The following NCOA2 variants were observed in gnomAD, a reference collection of about 807,000 sequenced individuals.
NCOA2 encodes the protein class E basic helix-loop-helix protein 75.
NCOA2 carries 21 observed loss-of-function variants against 145.1 expected under a neutral mutation model. The ratio of observed to expected loss-of-function variants is 0.14; its 90% CI spans 0.10 to 0.21. The LOEUF is 0.21. Ranked by LOEUF, NCOA2 falls within the 10% of genes least tolerant of loss-of-function variation. The pLI, the probability that NCOA2 is intolerant of heterozygous loss-of-function variation, is 1.00. For synonymous variants in NCOA2, 619 were observed against 637.5 expected (o/e 0.97, Z 0.44); for missense variants, 1,472 against 1,837.6 (o/e 0.80, Z 3.64).
At chr8:70,327,741 G>A (rs1345523030) in intron 1 of NCOA2, among the ~76,000 whole-genome samples, 1 of 152,164 alleles carries the variant, frequency 6.6e-6, no homozygotes, top group African/African-American at 2.4e-5. Context: ...TAGATATTAT[G>A]ATTAAACACT....
At chr8:70,242,589 C>T (rs959559989) in intron 2 of NCOA2, among the ~76,000 whole-genome samples, 1 of 152,042 alleles carries the variant, frequency 6.6e-6, no homozygotes, top group Admixed American at 6.6e-5. Context: ...ATTTTTAGAG[C>T]AAATCCTATA....
chr8:70,369,802 T>C (rs1405672614), intron 1 of NCOA2, among the ~76,000 whole-genome samples: 1 of 152,106 alleles, frequency 6.6e-6, no homozygotes, highest in African/African-American at 2.4e-5. Flanking sequence ...CCAGGCACAT[T>C]ATACCTTCTG....
chr8:70,389,026 G>C (rs556990223), intron 1 of NCOA2, among the ~76,000 whole-genome samples: 269 of 152,208 alleles, frequency 1.8e-3, no homozygotes, highest in African/African-American at 6.3e-3. Context: ...CCTTTTAAAG[G>C]AATAAAAAAC....
At chr8:70,390,623 C>T (rs149641960) in intron 1 of NCOA2, among the ~76,000 whole-genome samples, 2 of 151,570 alleles carry the variant, frequency 1.3e-5, no homozygotes, top group African/African-American at 2.4e-5. Context: ...AAAAATTAGT[C>T]GGACATAGTG....
chr8:70,132,956 A>T (rs1018268756), intron 15 of NCOA2, among the ~76,000 whole-genome samples: 5 of 152,188 alleles, frequency 3.3e-5, no homozygotes, highest in Non-Finnish European at 5.9e-5. Flanking sequence ...CATGCAAATT[A>T]TATTTGTTAT....
chr8:70,339,057 T>C (rs1807890274), intron 1 of NCOA2, among the ~76,000 whole-genome samples: 1 of 152,156 alleles, frequency 6.6e-6, no homozygotes, highest in Non-Finnish European at 1.5e-5. Context: ...ACATTTCTAT[T>C]ATGCATAGTA....
intron 2 of NCOA2, among the ~76,000 whole-genome samples, chr8:70,229,277 T>C (rs1201118082): frequency 1.3e-5 from 2 of 152,212 alleles, no homozygotes; most frequent in African/African-American, 4.8e-5. Flanking sequence ...ATAACAGAAT[T>C]TGATCTCATG....
intron 2 of NCOA2, among the ~76,000 whole-genome samples, chr8:70,252,492 A>C (rs563822207): frequency 6.6e-6 from 1 of 152,290 alleles, no homozygotes; most frequent in African/African-American, 2.4e-5. Context: ...ATGATGGCTT[A>C]ATGGCCCTAC....
At chr8:70,276,306 T>A (rs1205892625) in intron 2 of NCOA2, among the ~76,000 whole-genome samples, 1 of 152,006 alleles carries the variant, frequency 6.6e-6, no homozygotes, top group Non-Finnish European at 1.5e-5. Context: ...GATTCCAAGA[T>A]GAGAAACTTG....
intron 1 of NCOA2, among the ~76,000 whole-genome samples, chr8:70,361,492 AAAG>A (rs1810197949): frequency 6.6e-6 from 1 of 152,178 alleles, no homozygotes; most frequent in Non-Finnish European, 1.5e-5. Flanking sequence ...AAAAAGAAAG[AAAG>A]AAGAAAAACA....
At chr8:70,293,104 C>A (rs143499467) in intron 2 of NCOA2, among the ~76,000 whole-genome samples, 1 of 152,026 alleles carries the variant, frequency 6.6e-6, no homozygotes, top group Non-Finnish European at 1.5e-5. Flanking sequence ...GAAGAAAATA[C>A]CACAAAAATA....
At chr8:70,207,798 G>T (rs1200409996) in intron 4 of NCOA2, among the ~76,000 whole-genome samples, 1 of 149,002 alleles carries the variant, frequency 6.7e-6, no homozygotes, top group Non-Finnish European at 1.5e-5. Flanking sequence ...GGGAGGCAGA[G>T]GTTGCAGTGA....
At chr8:70,241,939 C>T (rs1822169648) in intron 2 of NCOA2, among the ~76,000 whole-genome samples, 1 of 151,800 alleles carries the variant, frequency 6.6e-6, no homozygotes, top group Admixed American at 6.6e-5. Flanking sequence ...TTTTAATAAG[C>T]ATATGTAAAA....
chr8:70,187,169 T>G (rs1816169869), intron 4 of NCOA2, among the ~76,000 whole-genome samples: 1 of 152,202 alleles, frequency 6.6e-6, no homozygotes, highest in Admixed American at 6.5e-5. Flanking sequence ...TGGCTGGCAC[T>G]TCCATGCTGC....
At position 70,206,854 on chromosome 8, in the gene NCOA2, G is replaced by A. The variant is rs78678994; in HGVS notation, c.259+7049C>T. Reference sequence around the variant, plus strand: ...AGTGCCTCTCCTCACGCCCAGCCCCGACTTTTTTACCTATTAAAATCTTAC... The same window carrying A: ...AGTGCCTCTCCTCACGCCCAGCCCCAACTTTTTTACCTATTAAAATCTTAC... On this transcript the variant is annotated intron_variant, in intron 4 of 22. Coordinates refer to ENST00000452400, the MANE Select transcript of NCOA2 (RefSeq NM_006540.4). Among the ~76,000 whole-genome samples, 409 of 152,178 alleles carry A rather than the reference G, an allele frequency of 2.7e-3. 2 individuals are homozygous for A. The highest frequency in any genetic ancestry group is 7.3e-3 in the African/African-American group (304 of 41,508).
At chr8:70,300,159 C>T (rs1477931548) in intron 1 of NCOA2, among the ~76,000 whole-genome samples, 1 of 152,048 alleles carries the variant, frequency 6.6e-6, no homozygotes, top group African/African-American at 2.4e-5. Flanking sequence ...AAAATGGACA[C>T]AAGATAACTT....
At position 70,216,562 on chromosome 8, in the gene NCOA2, T is replaced by C; in HGVS notation, c.86+98A>G. ...CTGTTAAGGAGAAAAACCAACTCAA[T>C]ATTTGAATCAGCAGTAAAATCAATG... On this transcript the variant is annotated intron_variant, in intron 3 of 22. Coordinates refer to ENST00000452400, the MANE Select transcript of NCOA2 (RefSeq NM_006540.4). 6.1e-6 allele frequency: 6 copies of C among 987,544 alleles called. 1 individual carries two copies. Among genetic ancestry groups the C allele is most frequent in the South Asian group, 2.6e-5 (2 of 75,896 alleles). The allele number at this position is 987,544 out of a possible 1,614,324, so 61.2% of individuals were successfully genotyped here.
chr8:70,435,350 A>T, the NCOA2 span, among the ~76,000 whole-genome samples: 18,811 of 144,370 alleles, frequency 0.13, 1,403 homozygotes, highest in South Asian at 0.2. Context: ...GCATGAACCC[A>T]AGAGGCGGAG....
chr8:70,240,554 G>A (rs898374860), intron 2 of NCOA2, among the ~76,000 whole-genome samples: 1 of 152,228 alleles, frequency 6.6e-6, no homozygotes, highest in Middle Eastern at 3.4e-3. Context: ...TGGCCCCCAA[G>A]CGTGATGTTG....
Sources: allele counts gnomAD v4.1 joint callset (sites outside exome capture counted in the v4.1 genomes callset), GRCh38; gene constraint gnomAD v4.1.1; transcripts MANE v1.5; gene names NCBI Gene and HGNC (gene_info 2026-07-23, HGNC 2026-07-21).